Variants in STK39 observed in about 807,000 individuals in gnomAD.
STK39 encodes the protein STE20/SPS1-related proline-alanine-rich protein kinase.
A neutral mutation model predicts 77.8 loss-of-function variants in STK39; 20 were observed. The observed-to-expected ratio is 0.26, with a 90% CI of 0.18 to 0.37. The LOEUF is 0.37. Among genes scored for constraint, STK39 ranks in the 10% least tolerant of loss-of-function variants. The pLI is 1.00. For synonymous variants in STK39, 246 were observed against 234.1 expected (o/e 1.05, Z -0.47); for missense variants, 479 against 656.5 (o/e 0.73, Z 2.95).
intron 14 of STK39, among the ~76,000 whole-genome samples, chr2:168,018,953 C>T (rs1291839176): frequency 6.6e-6 from 1 of 152,158 alleles, no homozygotes; most frequent in Non-Finnish European, 1.5e-5. Flanking sequence ...AGTCTCACAC[C>T]TTTCCATAAA....
At chr2:168,029,568 C>A in intron 14 of STK39, among the ~76,000 whole-genome samples, 1 of 152,194 alleles carries the variant, frequency 6.6e-6, no homozygotes, top group South Asian at 2.1e-4. Flanking sequence ...ACATCAGAAG[C>A]ACATTGTTTA....
intron 1 of STK39, among the ~76,000 whole-genome samples, chr2:168,241,407 G>C (rs920484866): frequency 6.6e-6 from 1 of 152,188 alleles, no homozygotes; most frequent in Non-Finnish European, 1.5e-5. Context: ...CTCATAATGG[G>C]CTGCTCCTCT....
At chr2:167,988,265 C>T (rs1323947256) in intron 16 of STK39, among the ~76,000 whole-genome samples, 2 of 152,082 alleles carry the variant, frequency 1.3e-5, no homozygotes, top group Non-Finnish European at 2.9e-5. Context: ...GCCAGTGTGA[C>T]GTCTATCTCA....
At chr2:168,059,910 C>T (rs1685618234) in intron 14 of STK39, among the ~76,000 whole-genome samples, 1 of 152,108 alleles carries the variant, frequency 6.6e-6, no homozygotes, top group Admixed American at 6.5e-5. Flanking sequence ...ATGTAAGCTC[C>T]TTTAGGGCAA....
intron 1 of STK39, among the ~76,000 whole-genome samples, chr2:168,187,180 G>A (rs188295291): frequency 3.9e-5 from 6 of 152,004 alleles, no homozygotes; most frequent in Admixed American, 2.0e-4. Flanking sequence ...GTGAAACCCC[G>A]TCTCTACTAA....
chr2:168,160,248 A>T (rs183789943), intron 5 of STK39, among the ~76,000 whole-genome samples: 1 of 152,374 alleles, frequency 6.6e-6, no homozygotes, highest in Admixed American at 6.5e-5. Context: ...ATCATAAAAC[A>T]GAAAATTAGT....
In STK39 at chr2:168,050,359, C is replaced by T. The variant is rs897351922; in HGVS notation, c.1376+13141G>A. Reference sequence around the variant, plus strand: ...TTCTTTAGTGTCAGAATAATAGCTCCGAAATACGTCCACAGCCAAATCTCA... The same window carrying T: ...TTCTTTAGTGTCAGAATAATAGCTCTGAAATACGTCCACAGCCAAATCTCA... On this transcript the variant is annotated intron_variant, in intron 14 of 17. Transcript: ENST00000355999. Among the ~76,000 whole-genome samples, 6 of 152,158 alleles carry T rather than the reference C, an allele frequency of 3.9e-5. No individual in the cohort carries two copies. In the South Asian group the frequency reaches 6.2e-4, roughly 16 times the overall value.
At chr2:168,084,369 T>C (rs1686314402) in intron 10 of STK39, among the ~76,000 whole-genome samples, 1 of 152,174 alleles carries the variant, frequency 6.6e-6, no homozygotes, top group Non-Finnish European at 1.5e-5. Context: ...ACAATCAGAC[T>C]TGCTTCCAAG....
intron 14 of STK39, among the ~76,000 whole-genome samples, chr2:168,043,128 C>T (rs191348077): frequency 2.0e-5 from 3 of 152,242 alleles, no homozygotes; most frequent in African/African-American, 4.8e-5. Context: ...ACCTGACTGA[C>T]GGCTATGAAT....
intron 8 of STK39, among the ~76,000 whole-genome samples, chr2:168,133,996 G>A (rs1028167): frequency 0.96 from 145,774 of 152,310 alleles, 69,929 homozygotes; most frequent in East Asian, 1. Flanking sequence ...CATAGCAACT[G>A]CCAATGCCTG....
At chr2:168,002,856 G>A (rs898252258) in intron 16 of STK39, among the ~76,000 whole-genome samples, 2 of 152,180 alleles carry the variant, frequency 1.3e-5, no homozygotes, top group East Asian at 3.9e-4. Flanking sequence ...GTGCACGTGT[G>A]CTCTCACTGC....
chr2:167,960,626 T>C (rs934252611), intron 17 of STK39, among the ~76,000 whole-genome samples: 1 of 151,866 alleles, frequency 6.6e-6, no homozygotes, highest in Non-Finnish European at 1.5e-5. Flanking sequence ...GAACACTCCA[T>C]CTCCTCACCC....
intron 10 of STK39, among the ~76,000 whole-genome samples, chr2:168,082,673 T>G (rs1292965113): frequency 1.3e-5 from 2 of 152,210 alleles, no homozygotes; most frequent in Non-Finnish European, 2.9e-5. Context: ...CATTCTCAGC[T>G]CACTAGACAC....
At chr2:168,212,238 AG>A (rs1310771965) in intron 1 of STK39, among the ~76,000 whole-genome samples, 3 of 152,382 alleles carry the variant, frequency 2.0e-5, no homozygotes, top group Non-Finnish European at 4.4e-5. Context: ...CAAACAGACC[AG>A]ACGAATATAT....
At chr2:167,961,513 C>T (rs1691959130) in intron 17 of STK39, among the ~76,000 whole-genome samples, 1 of 152,064 alleles carries the variant, frequency 6.6e-6, no homozygotes, top group Non-Finnish European at 1.5e-5. Flanking sequence ...TACAAAACTG[C>T]CAAGTAGTCC....
chr2:168,161,524 AGGT>A (rs1688572610), intron 5 of STK39, among the ~76,000 whole-genome samples: 1 of 152,252 alleles, frequency 6.6e-6, no homozygotes, highest in South Asian at 2.1e-4. Context: ...AAAATGTGAA[AGGT>A]AGAAAACATA....
At chr2:167,997,531 G>T (rs953638631) in intron 16 of STK39, among the ~76,000 whole-genome samples, 1 of 152,090 alleles carries the variant, frequency 6.6e-6, no homozygotes, top group African/African-American at 2.4e-5. Flanking sequence ...AGAAATTGAA[G>T]GCCTAGAGAG....
chr2:167,971,143 G>T (rs67329126), intron 16 of STK39, among the ~76,000 whole-genome samples: 2 of 152,016 alleles, frequency 1.3e-5, no homozygotes, highest in African/African-American at 4.8e-5. Context: ...CTCTCGGAGC[G>T]GCTGGAGATA....
intron 14 of STK39, among the ~76,000 whole-genome samples, chr2:168,034,031 C>T (rs543446268): frequency 6.6e-6 from 1 of 152,318 alleles, no homozygotes; most frequent in African/African-American, 2.4e-5. Flanking sequence ...GCCCTGAGAT[C>T]TTTTCTGTCT....
Sources: allele counts gnomAD v4.1 joint callset (sites outside exome capture counted in the v4.1 genomes callset), GRCh38; gene constraint gnomAD v4.1.1; transcripts MANE v1.5; gene names NCBI Gene and HGNC (gene_info 2026-07-23, HGNC 2026-07-21).